The following DNM3 variants were observed in gnomAD, a reference collection of about 807,000 sequenced individuals.
DNM3 encodes dynamin 3.
Under a neutral mutation model 101.6 loss-of-function variants are expected in DNM3, and 47 were observed. The observed-to-expected ratio is 0.46, with a 90% CI of 0.37 to 0.59. The LOEUF (loss-of-function observed/expected upper bound fraction) is 0.59, where lower values mean the gene tolerates loss of function less well. DNM3 is among the 20% of genes least tolerant of loss of function. The pLI is 0.00. For synonymous variants in DNM3, 385 were observed against 387.9 expected, an observed-to-expected ratio of 0.99 and a Z score of 0.09; for missense variants, 849 against 1,085.7, an observed-to-expected ratio of 0.78 and a Z score of 3.06.
At chr1:172,138,410 A>G (rs939720764) in intron 14 of DNM3, 6 of 151,450 alleles carry the variant, frequency 4.0e-5, no homozygotes, top group African/African-American at 1.5e-4. Flanking sequence ...GTTTATGGAC[A>G]AGAATTCTTA....
chr1:172,187,127 T>A (rs1179057111), intron 14 of DNM3, among the ~76,000 whole-genome samples: 1 of 152,118 alleles, frequency 6.6e-6, no homozygotes, highest in Non-Finnish European at 1.5e-5. Flanking sequence ...GGCTCACTTG[T>A]AGGTTTGGGA....
chr1:172,180,636 C>T (rs1223315414), intron 14 of DNM3, among the ~76,000 whole-genome samples: 2 of 152,058 alleles, frequency 1.3e-5, no homozygotes, highest in African/African-American at 2.4e-5. Flanking sequence ...GCAGGAATAG[C>T]ATATGATTTA....
intron 2 of DNM3, among the ~76,000 whole-genome samples, chr1:171,955,865 G>A (rs977917847): frequency 1.3e-5 from 2 of 152,150 alleles, no homozygotes; most frequent in Non-Finnish European, 2.9e-5. Flanking sequence ...GGCAGAAGGT[G>A]AAAGTCATGT....
At chr1:172,163,243 GTT>G (rs201806268) in intron 14 of DNM3, among the ~76,000 whole-genome samples, 7 of 134,440 alleles carry the variant, frequency 5.2e-5, no homozygotes, top group Admixed American at 7.6e-5. Context: ...TTCTTTTTTT[GTT>G]TTTTTTTTTT....
chr1:171,956,233 G>A (rs1005796823), intron 2 of DNM3, among the ~76,000 whole-genome samples: 9 of 152,124 alleles, frequency 5.9e-5, no homozygotes, highest in Admixed American at 2.0e-4. Flanking sequence ...CTGAGACAAG[G>A]CGAGTCCCTT....
chr1:172,044,376 C>T lies in DNM3; in HGVS notation c.1129-9C>T. On this transcript the variant is annotated splice_polypyrimidine_tract_variant and intron_variant, in intron 8 of 20. Coordinates refer to ENST00000627582, the MANE Select transcript of DNM3 (RefSeq NM_015569.5). ...AGTGTCATAACTATGGCTCATTTTG[C>T]ATCTGCAGATGGAGTTCAATGAGAA... 6.2e-7 allele frequency: 1 copy of T among 1,602,244 alleles called. No individual in the cohort carries two copies. Among genetic ancestry groups the T allele is most frequent in the Non-Finnish European group, 8.5e-7 (1 of 1,174,220 alleles).
chr1:172,256,077 C>G (rs1176762451), intron 15 of DNM3, among the ~76,000 whole-genome samples: 17 of 152,028 alleles, frequency 1.1e-4, no homozygotes. Context: ...TTAGTTAGGT[C>G]ACAATGTGCT....
At chr1:172,173,262 G>C (rs1045023012) in intron 14 of DNM3, among the ~76,000 whole-genome samples, 7 of 151,736 alleles carry the variant, frequency 4.6e-5, no homozygotes, top group Admixed American at 4.6e-4. Flanking sequence ...AGTTGCTAAG[G>C]GAGTTGAGAG....
intron 18 of DNM3, among the ~76,000 whole-genome samples, chr1:172,383,715 T>C (rs1056104935): frequency 2.6e-5 from 4 of 152,214 alleles, no homozygotes; most frequent in African/African-American, 9.6e-5. Flanking sequence ...TATTACGGGT[T>C]GCTAGAGAAG....
At chr1:172,106,432 G>GAGAA (rs1258538827) in intron 13 of DNM3, among the ~76,000 whole-genome samples, 2 of 151,902 alleles carry the variant, frequency 1.3e-5, no homozygotes, top group Non-Finnish European at 2.9e-5. Context: ...GAGAGAAAGA[G>GAGAA]AGAAAGAAAG....
chr1:172,247,252 A>G (rs1010516971), intron 14 of DNM3, among the ~76,000 whole-genome samples: 5 of 152,152 alleles, frequency 3.3e-5, no homozygotes, highest in Admixed American at 2.6e-4. Flanking sequence ...TAGCACTGAG[A>G]GAGGACAAAT....
At chr1:171,844,855 C>G (rs1004244279) in intron 1 of DNM3, among the ~76,000 whole-genome samples, 1 of 152,090 alleles carries the variant, frequency 6.6e-6, no homozygotes, top group Non-Finnish European at 1.5e-5. Flanking sequence ...TGAATTTATT[C>G]AACTATTTTC....
intron 14 of DNM3, among the ~76,000 whole-genome samples, chr1:172,182,335 C>T (rs1361405326): frequency 6.6e-6 from 1 of 151,960 alleles, no homozygotes; most frequent in African/African-American, 2.4e-5. Context: ...TAGGATCTGG[C>T]ATCACTGGGA....
intron 2 of DNM3, among the ~76,000 whole-genome samples, chr1:171,944,854 CCTTTTTTTTTTTTT>C (rs1227999758): frequency 5.3e-5 from 2 of 37,588 alleles, no homozygotes; most frequent in Non-Finnish European, 1.1e-4. Context: ...TTTGGTGTTT[CCTTTTTTTTTTTTT>C]TTTTTTTTTT....
chr1:171,973,666 C>G (rs972039437), intron 2 of DNM3, among the ~76,000 whole-genome samples: 1 of 150,130 alleles, frequency 6.7e-6, no homozygotes, highest in African/African-American at 2.5e-5. Flanking sequence ...GGTCTGACTC[C>G]AAAATCTTTT....
chr1:172,029,136 T>C (rs1206303248), intron 4 of DNM3, among the ~76,000 whole-genome samples: 5 of 152,198 alleles, frequency 3.3e-5, no homozygotes, highest in Non-Finnish European at 5.9e-5. Flanking sequence ...ATATCCCTGA[T>C]GAACATTGAT....
At chr1:172,278,690 A>G (rs990279791) in intron 15 of DNM3, among the ~76,000 whole-genome samples, 2 of 152,146 alleles carry the variant, frequency 1.3e-5, no homozygotes, top group Non-Finnish European at 2.9e-5. Flanking sequence ...CAGGAATATC[A>G]GCATGTGACT....
At chr1:172,250,140 A>G (rs1198083079) in intron 14 of DNM3, among the ~76,000 whole-genome samples, 1 of 152,142 alleles carries the variant, frequency 6.6e-6, no homozygotes, top group Non-Finnish European at 1.5e-5. Context: ...AATAATACCT[A>G]TTATATTAAT....
intron 10 of DNM3, among the ~76,000 whole-genome samples, chr1:172,061,154 T>C (rs1378823077): frequency 6.6e-6 from 1 of 150,662 alleles, no homozygotes; most frequent in Non-Finnish European, 1.5e-5. Context: ...TGAGATACCA[T>C]CTCACACCAG....
Sources: gnomAD v4.1 joint callset for allele counts (sites outside exome capture counted in the v4.1 genomes callset) on GRCh38, gnomAD v4.1.1 for gene constraint, MANE v1.5 for transcripts, NCBI Gene and HGNC (gene_info 2026-07-23, HGNC 2026-07-21) for gene names.